The following JAKMIP2 variants were observed in gnomAD, a reference collection of about 807,000 sequenced individuals.
The protein encoded by JAKMIP2 is janus kinase and microtubule-interacting protein 2.
Under a neutral mutation model 115.0 loss-of-function variants are expected in JAKMIP2, and 25 were observed. That is an observed-to-expected ratio of 0.22 (90% CI 0.16 to 0.30). The LOEUF (loss-of-function observed/expected upper bound fraction) is 0.30, where lower values mean the gene tolerates loss of function less well. Ranked by LOEUF, JAKMIP2 falls within the 10% of genes least tolerant of loss-of-function variation. The probability of loss-of-function intolerance (pLI) is 1.00; values close to 1 mark genes in which losing one functional copy is unlikely to be tolerated. For missense variants in JAKMIP2, 642 were observed against 957.6 expected, an observed-to-expected ratio of 0.67 and a Z score of 4.35; for synonymous variants, 334 against 343.6, an observed-to-expected ratio of 0.97 and a Z score of 0.31.
chr5:147,649,656 T>C (rs1181065654), intron 4 of JAKMIP2, among the ~76,000 whole-genome samples: 3 of 152,058 alleles, frequency 2.0e-5, no homozygotes, highest in African/African-American at 7.2e-5. Flanking sequence ...TATATATATA[T>C]ATTTATTCTG....
At chr5:147,740,412 T>G (rs771291109) in intron 1 of JAKMIP2, among the ~76,000 whole-genome samples, 18 of 152,228 alleles carry the variant, frequency 1.2e-4, no homozygotes, top group Non-Finnish European at 2.1e-4. Flanking sequence ...TAGGGAGCTG[T>G]GACAAAAGGA....
chr5:147,758,844 C>T (rs1243296387), intron 1 of JAKMIP2, among the ~76,000 whole-genome samples: 1 of 152,038 alleles, frequency 6.6e-6, no homozygotes, highest in Admixed American at 6.6e-5. Flanking sequence ...AATAAAAAGT[C>T]CCAAGAATGC....
Position 147,585,716 on chromosome 5 carries a change from A to T in JAKMIP2, c.*5991T>A, listed in dbSNP as rs1754840221. ...TCATGCTAATGAGATGGAAAGAAAG[A>T]ACCCCAATTGAGGCAGTTGATTGAA... is the stretch of plus-strand genomic sequence containing the variant. On this transcript the variant is annotated 3_prime_UTR_variant, in exon 22 of 22. Coordinates refer to ENST00000616793, the MANE Select transcript of JAKMIP2 (RefSeq NM_001270941.2). 1 of 152,168 alleles carries T rather than the reference A, an allele frequency of 6.6e-6. No homozygotes were observed. Among genetic ancestry groups the T allele is most frequent in the Non-Finnish European group, 1.5e-5 (1 of 68,040 alleles). 9.4% of individuals were successfully genotyped at this position (152,168 alleles called of 1,614,324 possible).
At chr5:147,779,504 T>C (rs1370212719) in intron 1 of JAKMIP2, among the ~76,000 whole-genome samples, 1 of 152,110 alleles carries the variant, frequency 6.6e-6, no homozygotes, top group Non-Finnish European at 1.5e-5. Context: ...CAAAATTAAC[T>C]ATACAATATG....
intron 2 of JAKMIP2, among the ~76,000 whole-genome samples, chr5:147,668,588 C>A (rs973224658): frequency 6.6e-6 from 1 of 152,146 alleles, no homozygotes; most frequent in African/African-American, 2.4e-5. Context: ...TCCTACAGGC[C>A]AGGAAGTTTC....
At chr5:147,708,814 G>C (rs1752675214) in intron 1 of JAKMIP2, among the ~76,000 whole-genome samples, 1 of 152,178 alleles carries the variant, frequency 6.6e-6, no homozygotes, top group South Asian at 2.1e-4. Flanking sequence ...TAACATTGTA[G>C]GTTCCTGGGT....
intron 7 of JAKMIP2, 55 bp from the exon 8 acceptor site, chr5:147,641,819 G>T: frequency 7.1e-7 from 1 of 1,407,232 alleles, no homozygotes; most frequent in Non-Finnish European, 1.0e-6. Context: ...TTTCTTTATA[G>T]TTTTTTGCAA....
At chr5:147,706,044 T>G (rs1215081920) in intron 1 of JAKMIP2, among the ~76,000 whole-genome samples, 1 of 152,226 alleles carries the variant, frequency 6.6e-6, no homozygotes, top group Non-Finnish European at 1.5e-5. Flanking sequence ...AAATGATTTT[T>G]GTATATGGCA....
intron 10 of JAKMIP2, among the ~76,000 whole-genome samples, chr5:147,639,253 G>C (rs1285358634): frequency 6.6e-6 from 1 of 152,166 alleles, no homozygotes; most frequent in African/African-American, 2.4e-5. Context: ...ATACGTAAAC[G>C]CTGGGCACTT....
intron 21 of JAKMIP2, among the ~76,000 whole-genome samples, chr5:147,596,889 G>T (rs1755417096): frequency 6.6e-6 from 1 of 151,792 alleles, no homozygotes; most frequent in African/African-American, 2.4e-5. Flanking sequence ...TTTTTGGTGG[G>T]GGGATGGAGT....
chr5:147,715,116 G>T (rs1752921569), intron 1 of JAKMIP2, among the ~76,000 whole-genome samples: 1 of 152,042 alleles, frequency 6.6e-6, no homozygotes, highest in Non-Finnish European at 1.5e-5. Context: ...GATAAGAGAA[G>T]AATATGTTAC....
chr5:147,619,001 T>C (rs928879375), intron 18 of JAKMIP2, among the ~76,000 whole-genome samples: 1 of 152,240 alleles, frequency 6.6e-6, no homozygotes, highest in Non-Finnish European at 1.5e-5. Flanking sequence ...TTTTAAGTTC[T>C]CTGAGATTTA....
chr5:147,735,065 G>A (rs972410019), intron 1 of JAKMIP2, among the ~76,000 whole-genome samples: 5 of 152,120 alleles, frequency 3.3e-5, no homozygotes, highest in Non-Finnish European at 5.9e-5. Context: ...GTATTCCTGC[G>A]ATCTGCATAT....
intron 1 of JAKMIP2, among the ~76,000 whole-genome samples, chr5:147,768,647 T>C (rs1364437229): frequency 6.6e-6 from 1 of 152,142 alleles, no homozygotes; most frequent in African/African-American, 2.4e-5. Flanking sequence ...TAAAATATAC[T>C]ATCTAATGGA....
chr5:147,627,072 G>C (rs1757128935), intron 16 of JAKMIP2, among the ~76,000 whole-genome samples: 1 of 152,148 alleles, frequency 6.6e-6, no homozygotes, highest in Non-Finnish European at 1.5e-5. Flanking sequence ...AGTGTGAAAA[G>C]CTAGGGCAAA....
chr5:147,675,036 C>T (rs750773489), intron 1 of JAKMIP2, among the ~76,000 whole-genome samples: 8 of 152,190 alleles, frequency 5.3e-5, no homozygotes, highest in Non-Finnish European at 7.4e-5. Flanking sequence ...TTGTTTTGAA[C>T]ATTCTTCTCT....
intron 1 of JAKMIP2, among the ~76,000 whole-genome samples, chr5:147,763,139 G>T (rs573092602): frequency 6.0e-4 from 92 of 152,188 alleles, no homozygotes; most frequent in Admixed American, 5.8e-3. Flanking sequence ...CAGCCAGTTT[G>T]TTCACTCCTG....
chr5:147,653,661 G>A (rs1319977546), intron 3 of JAKMIP2, among the ~76,000 whole-genome samples: 1 of 152,116 alleles, frequency 6.6e-6, no homozygotes, highest in Non-Finnish European at 1.5e-5. Context: ...TCTGTAGGTT[G>A]TCTGTTCACT....
At chr5:147,776,223 C>A (rs922125918) in intron 1 of JAKMIP2, among the ~76,000 whole-genome samples, 7 of 152,134 alleles carry the variant, frequency 4.6e-5, no homozygotes, top group African/African-American at 1.7e-4. Context: ...CAAATCTCAT[C>A]CTGAATTGTA....
Sources: gnomAD v4.1 joint callset for allele counts (sites outside exome capture counted in the v4.1 genomes callset) on GRCh38, gnomAD v4.1.1 for gene constraint, MANE v1.5 for transcripts, NCBI Gene and HGNC (gene_info 2026-07-23, HGNC 2026-07-21) for gene names.